Variants in STPG2 observed in about 807,000 individuals in gnomAD.
The protein encoded by STPG2 is sperm-tail PG-rich repeat-containing protein 2.
Under a neutral mutation model 54.2 loss-of-function variants are expected in STPG2, and 56 were observed. The observed-to-expected ratio is 1.03, with a 90% confidence interval of 0.83 to 1.29. The LOEUF (loss-of-function observed/expected upper bound fraction) is 1.29, where lower values mean the gene tolerates loss of function less well. Ranked by LOEUF, STPG2 falls within the 50% of genes most tolerant of loss-of-function variation. The pLI is 0.00. For synonymous variants in STPG2, 200 were observed against 181.8 expected, an observed-to-expected ratio of 1.10 and a Z score of -0.81; for missense variants, 596 against 544.9, an observed-to-expected ratio of 1.09 and a Z score of -0.93.
chr4:97,449,657 C>A (rs556185516), intron 4 of STPG2, among the ~76,000 whole-genome samples: 3 of 152,198 alleles, frequency 2.0e-5, no homozygotes, highest in Admixed American at 6.5e-5. Flanking sequence ...TTCCCCTCCA[C>A]AAGAATGCCA....
chr4:98,056,884 G>A lies in STPG2; in HGVS notation c.612+49069C>T, dbSNP rs116632789. 5.2e-3 allele frequency among the ~76,000 whole-genome samples: 793 copies of A among 152,218 alleles called. 10 individuals are homozygous for A. The highest frequency in any genetic ancestry group is 0.018 in the African/African-American group (760 of 41,518). On this transcript the variant is annotated intron_variant, in intron 5 of 10. Transcript: ENST00000295268. ...CCCGCCACTCTACCATGTGAAGAAGGTGCTTGCTTCCCCTTCACACTTCTA... is the reference window on the plus strand; with the variant it reads ...CCCGCCACTCTACCATGTGAAGAAGATGCTTGCTTCCCCTTCACACTTCTA...
At chr4:97,463,947 C>A (rs1729729540) in intron 4 of STPG2, among the ~76,000 whole-genome samples, 1 of 152,154 alleles carries the variant, frequency 6.6e-6, no homozygotes, top group Non-Finnish European at 1.5e-5. Flanking sequence ...TTATACCGCA[C>A]TCCTTTCTAT....
chr4:98,110,182 C>CG (rs927349891), intron 3 of STPG2, among the ~76,000 whole-genome samples: 2 of 151,850 alleles, frequency 1.3e-5, no homozygotes, highest in Non-Finnish European at 2.9e-5. Context: ...GAGAGCCCCC[C>CG]CAGCCAAGAA....
intron 9 of STPG2, among the ~76,000 whole-genome samples, chr4:97,765,938 G>T (rs982883602): frequency 4.6e-5 from 7 of 152,052 alleles, no homozygotes; most frequent in African/African-American, 1.7e-4. Flanking sequence ...CCAATTACTG[G>T]AAGCTTTAGG....
intron 8 of STPG2, among the ~76,000 whole-genome samples, chr4:97,881,250 T>C (rs1361149602): frequency 6.6e-6 from 1 of 152,126 alleles, no homozygotes; most frequent in Non-Finnish European, 1.5e-5. Context: ...GCCAACCCTC[T>C]CATTTTTTAC....
chr4:97,909,444 C>T (rs1731592417), intron 8 of STPG2, among the ~76,000 whole-genome samples: 1 of 152,102 alleles, frequency 6.6e-6, no homozygotes, highest in Non-Finnish European at 1.5e-5. Flanking sequence ...AAACAGGCAA[C>T]ACTTACCAAC....
chr4:97,662,788 A>C (rs1422395395), intron 10 of STPG2, among the ~76,000 whole-genome samples: 1 of 152,094 alleles, frequency 6.6e-6, no homozygotes, highest in African/African-American at 2.4e-5. Flanking sequence ...GGACTACTAG[A>C]GTGGGGAGGA....
At chr4:97,972,565 T>C in intron 6 of STPG2, 125 bp from the exon 7 acceptor site, 1 of 556,218 alleles carries the variant, frequency 1.8e-6, no homozygotes, top group East Asian at 3.4e-5. Context: ...CTGGCATAAA[T>C]GTAAAATGGC....
intron 9 of STPG2, among the ~76,000 whole-genome samples, chr4:97,802,737 C>T (rs1369815520): frequency 6.6e-6 from 1 of 152,118 alleles, no homozygotes; most frequent in Non-Finnish European, 1.5e-5. Flanking sequence ...TCCCAAATTG[C>T]TGGGATTACA....
intron 10 of STPG2, among the ~76,000 whole-genome samples, chr4:97,567,115 C>G (rs965981945): frequency 2.0e-5 from 3 of 151,668 alleles, no homozygotes; most frequent in African/African-American, 7.3e-5. Context: ...CATAGTTTAT[C>G]AGGCTGGATT....
chr4:98,071,782 C>G (rs142595522), intron 5 of STPG2, among the ~76,000 whole-genome samples: 145 of 152,144 alleles, frequency 9.5e-4, no homozygotes, highest in African/African-American at 3.2e-3. Context: ...AAGACATTCA[C>G]GTAGTCAACA....
intron 10 of STPG2, among the ~76,000 whole-genome samples, chr4:97,697,118 G>A (rs1190001542): frequency 6.6e-6 from 1 of 152,166 alleles, no homozygotes; most frequent in Non-Finnish European, 1.5e-5. Flanking sequence ...AAACAAAATG[G>A]TCAGATAGTA....
intron 9 of STPG2, among the ~76,000 whole-genome samples, chr4:97,743,073 A>G (rs1017698751): frequency 2.6e-5 from 4 of 151,830 alleles, no homozygotes; most frequent in Non-Finnish European, 4.4e-5. Flanking sequence ...TCATAAAAAC[A>G]TAAAGTGCCT....
At chr4:97,744,652 A>G (rs1163064147) in intron 9 of STPG2, among the ~76,000 whole-genome samples, 1 of 151,296 alleles carries the variant, frequency 6.6e-6, no homozygotes, top group Non-Finnish European at 1.5e-5. Flanking sequence ...ATAAATACAT[A>G]GCTGCGATAA....
At chr4:98,121,273 A>C (rs925865719) in intron 3 of STPG2, among the ~76,000 whole-genome samples, 1 of 152,248 alleles carries the variant, frequency 6.6e-6, no homozygotes, top group South Asian at 2.1e-4. Flanking sequence ...ACCAGGACCA[A>C]GCTGTTTTGG....
intron 10 of STPG2, among the ~76,000 whole-genome samples, chr4:97,609,057 A>AT (rs1412471664): frequency 2.6e-5 from 4 of 152,006 alleles, no homozygotes; most frequent in South Asian, 4.1e-4. Flanking sequence ...TAAAATAAGC[A>AT]TTTTTTTATC....
chr4:97,491,488 G>A (rs901691962), intron 4 of STPG2, among the ~76,000 whole-genome samples: 1 of 151,360 alleles, frequency 6.6e-6, no homozygotes, highest in Non-Finnish European at 1.5e-5. Context: ...TATCAAAAAG[G>A]GTCACTTGGC....
At chr4:98,020,852 AT>A (rs1303469712) in intron 5 of STPG2, among the ~76,000 whole-genome samples, 1 of 151,928 alleles carries the variant, frequency 6.6e-6, no homozygotes, top group Non-Finnish European at 1.5e-5. Flanking sequence ...TTTCTGTGGG[AT>A]TGGTGGTGAT....
rs1328586975 is a variant in STPG2 at position 97,666,742 on chromosome 4, A to G, written c.1320+45957T>C. 2.0e-5 allele frequency among the ~76,000 whole-genome samples: 3 copies of G among 152,358 alleles called. No homozygotes were observed. The East Asian group carries it at 5.8e-4, about 29-fold the overall frequency. ...AACTCGGTAAATTATTATATCTGTTATACAAGCAAGAAGGCTAAAGTTTAA... is the reference window on the plus strand; with the variant it reads ...AACTCGGTAAATTATTATATCTGTTGTACAAGCAAGAAGGCTAAAGTTTAA... On this transcript the variant is annotated intron_variant, in intron 10 of 10. Transcript: ENST00000295268.
Sources: gnomAD v4.1 joint callset for allele counts (sites outside exome capture counted in the v4.1 genomes callset) on GRCh38, gnomAD v4.1.1 for gene constraint, MANE v1.5 for transcripts, NCBI Gene and HGNC (gene_info 2026-07-23, HGNC 2026-07-21) for gene names.